Variants in CEP128 observed in about 807,000 individuals in gnomAD.
The protein encoded by CEP128 is centrosomal protein 128.
A neutral mutation model predicts 156.7 loss-of-function variants in CEP128; 132 were observed. The observed-to-expected ratio is 0.84, with a 90% CI of 0.73 to 0.97. CEP128 has a LOEUF of 0.97. Among genes scored for constraint, CEP128 ranks in the 50% least tolerant of loss-of-function variants. CEP128 has a pLI of 0.00. For synonymous variants in CEP128, 469 were observed against 448.9 expected (o/e 1.04, Z -0.57); for missense variants, 1,252 against 1,281.9 (o/e 0.98, Z 0.36).
intron 19 of CEP128, among the ~76,000 whole-genome samples, chr14:80,611,205 T>G (rs1892981226): frequency 6.6e-6 from 1 of 151,952 alleles, no homozygotes; most frequent in African/African-American, 2.4e-5. Flanking sequence ...ACTTTTGTTT[T>G]AAATTATTCA....
At chr14:80,513,062 G>A (rs1813670464) in intron 23 of CEP128, among the ~76,000 whole-genome samples, 1 of 152,102 alleles carries the variant, frequency 6.6e-6, no homozygotes, top group South Asian at 2.1e-4. Flanking sequence ...ACCATTACCA[G>A]TGAGTTTTGT....
At chr14:80,548,741 TC>T (rs1890091379) in intron 21 of CEP128, among the ~76,000 whole-genome samples, 2 of 152,340 alleles carry the variant, frequency 1.3e-5, no homozygotes, top group South Asian at 2.1e-4. Context: ...TGACTACTTA[TC>T]GGCATCAAAT....
intron 19 of CEP128, among the ~76,000 whole-genome samples, chr14:80,726,648 C>A (rs1898031250): frequency 6.6e-6 from 1 of 152,136 alleles, no homozygotes; most frequent in South Asian, 2.1e-4. Context: ...GTTGCCTGTG[C>A]AAGACAAGTG....
chr14:80,699,505 C>T (rs1000549621), intron 19 of CEP128, among the ~76,000 whole-genome samples: 2 of 152,130 alleles, frequency 1.3e-5, no homozygotes, highest in Non-Finnish European at 2.9e-5. Flanking sequence ...AGTATTTCAA[C>T]TCTTTTCTCT....
At position 80,505,026 on chromosome 14, in the gene CEP128, G is replaced by GA; in HGVS notation, c.3073-7dup. The GA allele has an allele frequency of 5.3e-6, 8 of 1,496,738 alleles. No homozygotes were observed. Among genetic ancestry groups the GA allele is most frequent in the South Asian group, 1.2e-5 (1 of 82,282 alleles). 92.7% of individuals were successfully genotyped at this position (1,496,738 alleles called of 1,614,324 possible). A position where few individuals can be genotyped will look rare whatever the true frequency, so the allele number is the denominator to read the frequency against. On this transcript the variant is annotated splice_region_variant and splice_polypyrimidine_tract_variant and intron_variant, in intron 23 of 24. Transcript: ENST00000555265. The stretch of plus-strand genomic sequence containing the variant: ...TCCAGAAAGGTTCTGTCACCCTAAG[G>GA]AAAAAAAGGCACAGCATTTCAATGA...
At chr14:80,686,220 A>G (rs1426683364) in intron 19 of CEP128, among the ~76,000 whole-genome samples, 1 of 152,036 alleles carries the variant, frequency 6.6e-6, no homozygotes, top group Non-Finnish European at 1.5e-5. Context: ...TATAATATTC[A>G]AACAGCAGAC....
chr14:80,823,950 C>T (rs1298538541), intron 13 of CEP128, among the ~76,000 whole-genome samples: 1 of 152,248 alleles, frequency 6.6e-6, no homozygotes, highest in African/African-American at 2.4e-5. Context: ...CCATGATGGC[C>T]CTGCCTCTGC....
At chr14:80,733,047 G>GA (rs371657410) in intron 19 of CEP128, among the ~76,000 whole-genome samples, 2 of 152,046 alleles carry the variant, frequency 1.3e-5, no homozygotes, top group African/African-American at 4.8e-5. Context: ...TCAGTAGACC[G>GA]AAAAAAAGCA....
chr14:80,690,638 C>G (rs1229405097), intron 19 of CEP128, among the ~76,000 whole-genome samples: 1 of 152,018 alleles, frequency 6.6e-6, no homozygotes, highest in Non-Finnish European at 1.5e-5. Context: ...TATGAAATTT[C>G]AAAATAGTGT....
intron 19 of CEP128, among the ~76,000 whole-genome samples, chr14:80,598,386 C>T (rs1364049419): frequency 6.6e-6 from 1 of 151,872 alleles, no homozygotes; most frequent in Non-Finnish European, 1.5e-5. Flanking sequence ...TGAAAAGACT[C>T]AAAAATGAAA....
At chr14:80,480,434 C>A (rs7152662) in intron 14 of CEP128, among the ~76,000 whole-genome samples, 1 of 152,064 alleles carries the variant, frequency 6.6e-6, no homozygotes, top group East Asian at 2.0e-4. Flanking sequence ...TAGCCCAACC[C>A]ATACACTGGC....
intron 19 of CEP128, among the ~76,000 whole-genome samples, chr14:80,687,563 T>C (rs891421058): frequency 6.6e-6 from 1 of 151,968 alleles, no homozygotes; most frequent in African/African-American, 2.4e-5. Context: ...ATGGTAGCAA[T>C]AGACACTGGA....
chr14:80,540,522 T>C (rs952556013), intron 21 of CEP128, among the ~76,000 whole-genome samples: 2 of 152,228 alleles, frequency 1.3e-5, no homozygotes, highest in South Asian at 4.1e-4. Flanking sequence ...AGGCCAAAGA[T>C]GTCTGGGGCA....
chr14:80,947,076 G>A (rs7144462), intron 2 of CEP128, among the ~76,000 whole-genome samples: 22,974 of 151,968 alleles, frequency 0.15, 5,212 homozygotes, highest in African/African-American at 0.49. Flanking sequence ...CTCCCTAACC[G>A]TGCTTCCTGT....
At chr14:80,702,043 G>A (rs575934237) in intron 19 of CEP128, among the ~76,000 whole-genome samples, 1 of 152,196 alleles carries the variant, frequency 6.6e-6, no homozygotes, top group East Asian at 1.9e-4. Flanking sequence ...GCTTTCACTG[G>A]CAGCTCAGCC....
chr14:80,568,820 AACT>A (rs1891024830), intron 20 of CEP128, among the ~76,000 whole-genome samples: 2 of 152,314 alleles, frequency 1.3e-5, no homozygotes, highest in South Asian at 4.1e-4. Flanking sequence ...AAAAACCAAC[AACT>A]AAGTTTTTAG....
chr14:80,550,513 A>G (rs2140338060), intron 21 of CEP128, among the ~76,000 whole-genome samples: 1 of 152,116 alleles, frequency 6.6e-6, no homozygotes, highest in East Asian at 1.9e-4. Context: ...TGTTGCCACC[A>G]TTTATCCACT....
intron 23 of CEP128, among the ~76,000 whole-genome samples, chr14:80,526,194 A>C (rs548471317): frequency 9.9e-5 from 15 of 152,268 alleles, no homozygotes; most frequent in Admixed American, 9.8e-4. Flanking sequence ...AATATACTGC[A>C]ACGCATAAGA....
chr14:80,860,338 T>G (rs923223037), intron 9 of CEP128, among the ~76,000 whole-genome samples: 1 of 152,172 alleles, frequency 6.6e-6, no homozygotes, highest in Non-Finnish European at 1.5e-5. Flanking sequence ...TGATCTCCTA[T>G]TGTATTGTCA....
Sources: allele counts gnomAD v4.1 joint callset (sites outside exome capture counted in the v4.1 genomes callset), GRCh38; gene constraint gnomAD v4.1.1; transcripts MANE v1.5; gene names NCBI Gene and HGNC (gene_info 2026-07-23, HGNC 2026-07-21).